The following HECTD2 variants were observed in gnomAD, a reference collection of about 807,000 sequenced individuals.
The protein encoded by HECTD2 is HECT domain E3 ubiquitin protein ligase 2.
Under a neutral mutation model 103.2 loss-of-function variants are expected in HECTD2, and 35 were observed. The observed-to-expected ratio is 0.34, with a 90% confidence interval of 0.26 to 0.45. The LOEUF is 0.45. Ranked by LOEUF, HECTD2 falls within the 20% of genes least tolerant of loss-of-function variation. The probability of loss-of-function intolerance (pLI) is 1.00; values close to 1 mark genes in which losing one functional copy is unlikely to be tolerated. For synonymous variants in HECTD2, 281 were observed against 329.9 expected (o/e 0.85, Z 1.61); for missense variants, 596 against 937.4 (o/e 0.64, Z 4.76).
chr10:91,454,866 A>G (rs1393303975), intron 2 of HECTD2, among the ~76,000 whole-genome samples: 1 of 152,062 alleles, frequency 6.6e-6, no homozygotes, highest in Non-Finnish European at 1.5e-5. Flanking sequence ...GATGGTTTCC[A>G]GCTTCATCCA....
chr10:91,477,749 AC>A (rs1845960195), intron 5 of HECTD2, among the ~76,000 whole-genome samples: 1 of 152,136 alleles, frequency 6.6e-6, no homozygotes, highest in Non-Finnish European at 1.5e-5. Context: ...TCTCTTATAA[AC>A]TAAAGTATTA....
chr10:91,409,412 C>T (rs1184374140), upstream of HECTD2: 2 of 152,200 alleles, frequency 1.3e-5, no homozygotes, highest in Admixed American at 6.5e-5. Flanking sequence ...GACTGTGCAG[C>T]AGAGTTTGGG....
At position 91,462,159 on chromosome 10, in the gene HECTD2, C is replaced by T. The variant is rs1354876483; in HGVS notation, c.575C>T (p.Ala192Val). 1.3e-6 allele frequency: 2 copies of T among 1,587,282 alleles called. No homozygotes were observed. The highest frequency in any genetic ancestry group is 2.7e-5 in the African/African-American group (2 of 74,208). Residue 192 changes from alanine to valine, a missense_variant, in exon 5 of 21, where the codon GCT becomes GTT. Ala to Val is a moderately conservative substitution (Grantham distance 64). Around this residue, in one of 4 missense-constraint regions of HECTD2, gnomAD observed 303 missense variants for 522.5 expected, o/e 0.58. Coordinates refer to ENST00000298068, the MANE Select transcript of HECTD2 (RefSeq NM_182765.6). The part of the protein sequence containing the change: ...DSGINAKFVN[A>V]VYDTLLNTPQ... ...GGGATTAATGCTAAATTTGTGAATGCTGTGTATGATACCTTACTTAATACT... is the reference window on the plus strand; with the variant it reads ...GGGATTAATGCTAAATTTGTGAATGTTGTGTATGATACCTTACTTAATACT...
chr10:91,496,041 A>G (rs905029385), intron 14 of HECTD2, among the ~76,000 whole-genome samples, 173 bp from the exon 15 acceptor site: 1 of 152,180 alleles, frequency 6.6e-6, no homozygotes, highest in Non-Finnish European at 1.5e-5. Context: ...AAGGAATTAT[A>G]TTATGTAAAA....
At chr10:91,496,729 C>G (rs1407208219) in intron 15 of HECTD2, among the ~76,000 whole-genome samples, 1 of 151,758 alleles carries the variant, frequency 6.6e-6, no homozygotes, top group Admixed American at 6.6e-5. Flanking sequence ...CAAATCTGTG[C>G]CAGCCTAGAT....
intron 2 of HECTD2, among the ~76,000 whole-genome samples, chr10:91,440,066 C>T (rs1396311877): frequency 8.6e-5 from 13 of 151,804 alleles, no homozygotes; most frequent in East Asian, 7.8e-4. Context: ...TATTTAAATG[C>T]CCTTTCTTTC....
chr10:91,422,925 G>A (rs1843414724), intron 1 of HECTD2, among the ~76,000 whole-genome samples: 1 of 152,124 alleles, frequency 6.6e-6, no homozygotes, highest in Admixed American at 6.6e-5. Context: ...AGAGGTGAAG[G>A]AAGGGGGAAG....
At chr10:91,459,203 C>T (rs1401291860) in intron 2 of HECTD2, among the ~76,000 whole-genome samples, 1 of 151,910 alleles carries the variant, frequency 6.6e-6, no homozygotes, top group Non-Finnish European at 1.5e-5. Flanking sequence ...AATAATGACA[C>T]CACCAAATGC....
intron 5 of HECTD2, among the ~76,000 whole-genome samples, chr10:91,470,556 G>T (rs1845687224): frequency 1.3e-5 from 2 of 152,042 alleles, no homozygotes; most frequent in Admixed American, 1.3e-4. Flanking sequence ...CACTGTGAAA[G>T]GAAATTTTAT....
chr10:91,509,090 C>T (rs922458754), intron 20 of HECTD2, among the ~76,000 whole-genome samples: 49 of 128,626 alleles, frequency 3.8e-4, no homozygotes, highest in African/African-American at 1.3e-3. Context: ...CACATGGACA[C>T]AGGAAGGGGA....
intron 2 of HECTD2, among the ~76,000 whole-genome samples, chr10:91,426,921 A>G (rs1400533961): frequency 6.6e-6 from 1 of 150,928 alleles, no homozygotes; most frequent in Non-Finnish European, 1.5e-5. Context: ...ACATATGTAT[A>G]CATGTGCCAT....
Position 91,512,731 on chromosome 10 carries a change from A to C in HECTD2, c.*347A>C, listed in dbSNP as rs1847470883. 3 of 212,852 alleles carry C rather than the reference A, an allele frequency of 1.4e-5. No homozygotes were observed. The highest frequency in any genetic ancestry group is 2.9e-5 in the Non-Finnish European group (3 of 103,818). The allele number at this position is 212,852 out of a possible 1,614,324, so 13.2% of individuals were successfully genotyped here. A position where few individuals can be genotyped will look rare whatever the true frequency, so the allele number is the denominator to read the frequency against. On this transcript the variant is annotated 3_prime_UTR_variant, in exon 21 of 21. Transcript: ENST00000298068. Reference sequence around the variant, plus strand: ...ATGAATTTATGGTATAGTTGAACCCAGTGGCAGATTGTACACTGCTAGCAC... The same window carrying C: ...ATGAATTTATGGTATAGTTGAACCCCGTGGCAGATTGTACACTGCTAGCAC...
At chr10:91,497,975 C>T (rs907939896) in intron 15 of HECTD2, 133 bp from the exon 16 acceptor site, 2 of 611,870 alleles carry the variant, frequency 3.3e-6, no homozygotes, top group Non-Finnish European at 6.0e-6. Context: ...AAATCATTAA[C>T]CATTTTGTGC....
At chr10:91,472,617 G>A (rs975999841) in intron 5 of HECTD2, among the ~76,000 whole-genome samples, 6 of 151,936 alleles carry the variant, frequency 3.9e-5, no homozygotes, top group Admixed American at 6.6e-5. Flanking sequence ...AAAAGCAAAC[G>A]ACTTCATTAA....
intron 2 of HECTD2, among the ~76,000 whole-genome samples, chr10:91,457,851 G>A (rs990309835): frequency 2.0e-5 from 3 of 151,778 alleles, no homozygotes; most frequent in East Asian, 3.8e-4. Context: ...AAGACTTAGT[G>A]CTTTCCCTTT....
chr10:91,414,698 G>A (rs1843049957), intron 1 of HECTD2, among the ~76,000 whole-genome samples: 1 of 152,196 alleles, frequency 6.6e-6, no homozygotes, highest in African/African-American at 2.4e-5. Flanking sequence ...AAAAATGATA[G>A]GATTTGGATA....
intron 14 of HECTD2, among the ~76,000 whole-genome samples, chr10:91,494,677 A>G (rs1312124380): frequency 2.0e-5 from 3 of 152,102 alleles, no homozygotes; most frequent in Non-Finnish European, 1.5e-5. Context: ...TAAATTCCAC[A>G]AAATGAATAA....
intron 20 of HECTD2, among the ~76,000 whole-genome samples, chr10:91,505,555 T>C (rs971897885): frequency 1.9e-3 from 287 of 151,808 alleles, no homozygotes; most frequent in Middle Eastern, 3.4e-3. Flanking sequence ...AAGGGATCAA[T>C]TCAACAAGAA....
intron 7 of HECTD2, 75 bp downstream of exon 7, chr10:91,481,214 A>T: frequency 7.9e-6 from 5 of 634,268 alleles, no homozygotes; most frequent in South Asian, 3.0e-5. Flanking sequence ...AAATGATATT[A>T]AATATTAAAT....
Sources: allele counts gnomAD v4.1 joint callset (sites outside exome capture counted in the v4.1 genomes callset), GRCh38; gene constraint gnomAD v4.1.1; regional missense constraint gnomAD v4.1.1; transcripts MANE v1.5; gene names NCBI Gene and HGNC (gene_info 2026-07-23, HGNC 2026-07-21).